The following ABR variants were observed in gnomAD, a reference collection of about 807,000 sequenced individuals.
ABR encodes active breakpoint cluster region-related protein.
In ABR, 35 loss-of-function variants were observed where a neutral mutation model predicts 107.2. The ratio of observed to expected loss-of-function variants is 0.33; its 90% CI spans 0.25 to 0.43. The LOEUF is 0.43. ABR is among the 20% of genes least tolerant of loss of function. The probability of loss-of-function intolerance (pLI) is 1.00; values close to 1 mark genes in which losing one functional copy is unlikely to be tolerated. For synonymous variants in ABR, 498 were observed against 462.0 expected, an observed-to-expected ratio of 1.08 and a Z score of -1.00; for missense variants, 815 against 1,115.2, an observed-to-expected ratio of 0.73 and a Z score of 3.83.
intron 1 of ABR, among the ~76,000 whole-genome samples, chr17:1,216,219 AC>A: frequency 6.6e-6 from 1 of 152,214 alleles, no homozygotes; most frequent in African/African-American, 2.4e-5. Context: ...AATAGAACTT[AC>A]TATGTGCCAG....
At chr17:1,031,539 CCGAGCCCCGCAGCG>C in intron 16 of ABR, 5 of 480,692 alleles carry the variant, frequency 1.0e-5, no homozygotes, top group East Asian at 4.2e-5. Flanking sequence ...CCGCAGCCCC[CCGAGCCCCGCAGCG>C]CCCCCGAGCC....
In ABR at chr17:1,147,537, T is replaced by A. The variant is rs113530110; in HGVS notation, c.62-22170A>T. On this transcript the variant is annotated intron_variant, in intron 1 of 22. Transcript: ENST00000302538. ...TACCACACTCAGCTAATTTTTATAT[T>A]TTTAGTAGAGATGGGATTTCCCAAT... Among the ~76,000 whole-genome samples the A allele has an allele frequency of 2.4e-3, 369 of 152,146 alleles. 3 individuals carry two copies. The highest frequency in any genetic ancestry group is 8.4e-3 in the African/African-American group (349 of 41,484).
chr17:1,051,447 G>A lies in ABR; in HGVS notation c.1562-813C>T, dbSNP rs552032428. On this transcript the variant is annotated intron_variant, in intron 14 of 22. Coordinates refer to ENST00000302538, the MANE Select transcript of ABR (RefSeq NM_021962.5). The surrounding 1 kb of genome is among the most constrained non-coding windows in gnomAD (Gnocchi z 4.3). ...CTGGGGCGGGAGGGCAGGGCCGGGG[G>A]CTTTCCCCGGCATTTCCATCTTCCA... 3.3e-5 allele frequency among the ~76,000 whole-genome samples: 5 copies of A among 152,260 alleles called. No individual in the cohort carries two copies. The South Asian group carries it at 1.0e-3, about 32-fold the overall frequency.
At chr17:1,188,361 T>C (rs935026421), upstream of ABR, among the ~76,000 whole-genome samples, 1 of 151,792 alleles carries the variant, frequency 6.6e-6, no homozygotes, top group African/African-American at 2.4e-5. Context: ...CCATCCTGGC[T>C]AACACGGTGA....
chr17:1,158,656 G>A (rs548872438), intron 1 of ABR, among the ~76,000 whole-genome samples: 5 of 151,894 alleles, frequency 3.3e-5, no homozygotes, highest in African/African-American at 1.2e-4. Flanking sequence ...CCAGCTACTC[G>A]GGAGGCTGAG....
intron 1 of ABR, among the ~76,000 whole-genome samples, chr17:1,170,960 C>T (rs934572209): frequency 5.9e-5 from 9 of 152,104 alleles, no homozygotes; most frequent in African/African-American, 1.7e-4. Context: ...CACACTGCCA[C>T]GCTGACCCCA....
At chr17:1,201,923 C>T (rs1273743279) in intron 1 of ABR, among the ~76,000 whole-genome samples, 1 of 152,148 alleles carries the variant, frequency 6.6e-6, no homozygotes, top group Admixed American at 6.5e-5. Context: ...GTGATCCGCC[C>T]GCGTCGGCCT....
In ABR at chr17:1,070,088, C is replaced by T. The variant is rs768956905; in HGVS notation, c.897G>A (p.Thr299=). The change falls in exon 9 of 23, where the codon ACG becomes ACA. Residue 299 remains threonine (T), a splice_region_variant and synonymous_variant. Coordinates refer to ENST00000302538, the MANE Select transcript of ABR (RefSeq NM_021962.5). This position sits in a 1 kb window ranked among gnomAD's most constrained non-coding sequence, Gnocchi z 4.2. The part of the protein sequence containing the change: ...RTAVTTPKGE[T]RQLVKDGFLV... The stretch of plus-strand genomic sequence containing the variant: ...GGAAGCCGTCCTTCACCAGCTGTCG[C>T]GTCTGAGGGAGATGGCAGACCCCCC... 5.6e-6 allele frequency: 9 copies of T among 1,613,596 alleles called. No homozygotes were observed. The highest frequency in any genetic ancestry group is 2.2e-5 in the East Asian group (1 of 44,816).
chr17:1,009,889 C>T (rs2070388473), intron 20 of ABR, 105 bp from the exon 21 acceptor site: 1 of 1,033,470 alleles, frequency 9.7e-7, no homozygotes, highest in African/African-American at 1.6e-5. Context: ...CCCAGGCTTC[C>T]AGGCCTTTGG....
chr17:1,045,033 A>G (rs1255048625), intron 16 of ABR, among the ~76,000 whole-genome samples: 1 of 152,236 alleles, frequency 6.6e-6, no homozygotes, highest in African/African-American at 2.4e-5. Flanking sequence ...TGAAAACAGA[A>G]AAACAGACAA....
chr17:1,115,655 T>G (rs929664927), intron 2 of ABR, among the ~76,000 whole-genome samples: 1 of 152,280 alleles, frequency 6.6e-6, no homozygotes, highest in Admixed American at 6.5e-5. Context: ...CCAGATGCAG[T>G]GGCTCACGCC....
chr17:1,033,310 C>T (rs571367260), intron 16 of ABR, among the ~76,000 whole-genome samples: 1 of 152,174 alleles, frequency 6.6e-6, no homozygotes, highest in Admixed American at 6.5e-5. Flanking sequence ...AGCTGTCCTT[C>T]GTGGAAGGCT....
intron 3 of ABR, among the ~76,000 whole-genome samples, chr17:1,096,236 C>A (rs1337348959): frequency 6.6e-6 from 1 of 152,200 alleles, no homozygotes; most frequent in Non-Finnish European, 1.5e-5. Flanking sequence ...TGTGTGGAGG[C>A]TCGTCTGCCC....
upstream of ABR, among the ~76,000 whole-genome samples, chr17:1,188,246 G>C (rs2042354809): frequency 6.6e-6 from 1 of 151,308 alleles, no homozygotes; most frequent in South Asian, 2.1e-4. Context: ...CAATGTGTGG[G>C]AGCATTTAAA....
At chr17:1,054,352 A>T (rs1025753513) in intron 14 of ABR, among the ~76,000 whole-genome samples, 1 of 152,214 alleles carries the variant, frequency 6.6e-6, no homozygotes, top group Non-Finnish European at 1.5e-5. Flanking sequence ...GGTAAAGGAG[A>T]CCTGGTTCCC....
chr17:1,006,345 T>C (rs2070032593), intron 22 of ABR, among the ~76,000 whole-genome samples, 176 bp from the exon 23 acceptor site: 1 of 151,958 alleles, frequency 6.6e-6, no homozygotes. Context: ...GGGCAGAGGG[T>C]CGGGGGCCTA....
At chr17:1,185,304 C>T (rs543616728) in intron 1 of ABR, among the ~76,000 whole-genome samples, 4 of 152,260 alleles carry the variant, frequency 2.6e-5, no homozygotes, top group African/African-American at 7.2e-5. Flanking sequence ...TCAATGCCTC[C>T]GGCCAATCTC....
At chr17:1,115,675 A>C (rs2038951104) in intron 2 of ABR, among the ~76,000 whole-genome samples, 1 of 152,268 alleles carries the variant, frequency 6.6e-6, no homozygotes, top group Admixed American at 6.5e-5. Flanking sequence ...CTGTAATCCC[A>C]GCACTTTGGG....
chr17:1,191,612 TC>T (rs1269928145), upstream of ABR, among the ~76,000 whole-genome samples: 2 of 152,106 alleles, frequency 1.3e-5, no homozygotes, highest in Admixed American at 6.6e-5. Context: ...TGCCTTGGCC[TC>T]CCAAAGTGCT....
Sources: allele counts gnomAD v4.1 joint callset (sites outside exome capture counted in the v4.1 genomes callset), GRCh38; gene constraint gnomAD v4.1.1; non-coding constraint Gnocchi (gnomAD v3.1); transcripts MANE v1.5; gene names NCBI Gene and HGNC (gene_info 2026-07-23, HGNC 2026-07-21).